The following NRXN1 variants were observed in gnomAD, a reference collection of about 807,000 sequenced individuals.
The protein encoded by NRXN1 is neurexin 1.
Under a neutral mutation model 150.9 loss-of-function variants are expected in NRXN1, and 39 were observed. The observed-to-expected ratio is 0.26, with a 90% CI of 0.20 to 0.34. NRXN1 has a LOEUF of 0.34. Ranked by LOEUF, NRXN1 falls within the 10% of genes least tolerant of loss-of-function variation. The pLI is 1.00. For synonymous variants in NRXN1, 924 were observed against 757.0 expected, an observed-to-expected ratio of 1.22 and a Z score of -3.62; for missense variants, 1,815 against 1,949.9, an observed-to-expected ratio of 0.93 and a Z score of 1.30.
At chr2:50,411,451 G>GTA (rs1297225378) in intron 17 of NRXN1, among the ~76,000 whole-genome samples, 1 of 151,396 alleles carries the variant, frequency 6.6e-6, no homozygotes, top group Non-Finnish European at 1.5e-5. Context: ...CCACCACCCC[G>GTA]TCTAGGAAGT....
At chr2:49,979,889 C>A (rs374478131) in intron 21 of NRXN1, among the ~76,000 whole-genome samples, 37 of 137,690 alleles carry the variant, frequency 2.7e-4, no homozygotes, top group African/African-American at 9.4e-4. Flanking sequence ...TCCACATAGT[C>A]TTATATTGTT....
intron 5 of NRXN1, among the ~76,000 whole-genome samples, chr2:50,795,351 T>A (rs1434301235): frequency 6.6e-6 from 1 of 152,144 alleles, no homozygotes; most frequent in Non-Finnish European, 1.5e-5. Flanking sequence ...GTAATCTGTA[T>A]GTGCTCTTAA....
intron 5 of NRXN1, among the ~76,000 whole-genome samples, chr2:50,825,203 T>C (rs1670285476): frequency 6.6e-6 from 1 of 152,194 alleles, no homozygotes; most frequent in Admixed American, 6.5e-5. Context: ...TGTGATACTG[T>C]GATTTAAAAT....
At chr2:50,914,293 A>G (rs1684921332) in intron 5 of NRXN1, among the ~76,000 whole-genome samples, 1 of 151,694 alleles carries the variant, frequency 6.6e-6, no homozygotes, top group East Asian at 1.9e-4. Flanking sequence ...ATCAATTTAT[A>G]TTTATTTTAG....
chr2:51,009,049 T>G (rs931281316), intron 2 of NRXN1, among the ~76,000 whole-genome samples: 17 of 152,068 alleles, frequency 1.1e-4, no homozygotes, highest in African/African-American at 3.9e-4. Flanking sequence ...TATCTTTAGT[T>G]TCCACATAAA....
At chr2:50,108,062 C>T (rs972380063) in intron 18 of NRXN1, among the ~76,000 whole-genome samples, 1 of 151,742 alleles carries the variant, frequency 6.6e-6, no homozygotes, top group African/African-American at 2.4e-5. Context: ...TTCTTAACCA[C>T]TACTGTTTTA....
intron 9 of NRXN1, among the ~76,000 whole-genome samples, chr2:50,551,069 G>GAAA (rs1667426432): frequency 7.8e-6 from 1 of 128,158 alleles, no homozygotes; most frequent in Non-Finnish European, 1.6e-5. Context: ...AGAAGAAGAA[G>GAAA]AAGAAGAGGA....
intron 5 of NRXN1, among the ~76,000 whole-genome samples, chr2:50,755,318 G>C (rs1325086731): frequency 6.6e-6 from 1 of 151,760 alleles, no homozygotes; most frequent in African/African-American, 2.4e-5. Context: ...TTGTAAAATG[G>C]AATGAAAACA....
chr2:50,623,560 C>T lies in NRXN1; in HGVS notation c.888G>A (p.Leu296=). The change falls in exon 6 of 23, where the codon TTG becomes TTA. Residue 296 remains leucine, a synonymous_variant. Transcript: ENST00000401669. ...TGCTGCTTTGAATGGGGTTTTGAGA[C>T]AAGTCGTAGCAGAAGTATTCAGATC... is the stretch of plus-strand genomic sequence containing the variant. ...FKGSEYFCYD[L]SQNPIQSSSD... is the part of the protein sequence containing the mutation. 1 of 1,613,226 alleles carries T rather than the reference C, an allele frequency of 6.2e-7. No homozygotes were observed. Among genetic ancestry groups the T allele is most frequent in the Non-Finnish European group, 8.5e-7 (1 of 1,179,446 alleles).
chr2:50,923,991 A>G (rs1297509945), intron 3 of NRXN1, among the ~76,000 whole-genome samples: 2 of 151,858 alleles, frequency 1.3e-5, no homozygotes, highest in Non-Finnish European at 2.9e-5. Context: ...CAAAAAGTTC[A>G]CACAGGCAGA....
At chr2:50,758,200 T>C (rs1241150311) in intron 5 of NRXN1, 1 of 151,798 alleles carries the variant, frequency 6.6e-6, no homozygotes, top group Non-Finnish European at 1.5e-5. Flanking sequence ...AACACACTAA[T>C]GCAAATACCC....
intron 5 of NRXN1, among the ~76,000 whole-genome samples, chr2:50,759,816 TCTAA>T (rs1430172029): frequency 3.4e-5 from 5 of 148,366 alleles, no homozygotes; most frequent in Non-Finnish European, 6.0e-5. Context: ...GCACTATCAA[TCTAA>T]CTAAGCTGTG....
intron 5 of NRXN1, among the ~76,000 whole-genome samples, chr2:50,745,552 T>C (rs2105299345): frequency 6.6e-6 from 1 of 152,188 alleles, no homozygotes; most frequent in East Asian, 1.9e-4. Flanking sequence ...GTGTGGTATA[T>C]TAGTTCATTC....
intron 18 of NRXN1, among the ~76,000 whole-genome samples, chr2:50,173,312 C>T (rs971856021): frequency 3.9e-5 from 6 of 152,126 alleles, no homozygotes; most frequent in Admixed American, 1.3e-4. Flanking sequence ...AGATTTTGAT[C>T]CAACTGATTA....
chr2:50,558,794 T>C (rs1461177972), intron 8 of NRXN1, among the ~76,000 whole-genome samples: 1 of 152,200 alleles, frequency 6.6e-6, no homozygotes, highest in Non-Finnish European at 1.5e-5. Context: ...GCGCAGTGGC[T>C]CAGGCCTGTA....
chr2:50,145,834 T>C (rs1707936309), intron 18 of NRXN1, among the ~76,000 whole-genome samples: 2 of 151,706 alleles, frequency 1.3e-5, no homozygotes, highest in South Asian at 4.1e-4. Flanking sequence ...TGATTTTTTT[T>C]GCATGCATTT....
At chr2:50,966,908 A>C (rs558897323) in intron 2 of NRXN1, among the ~76,000 whole-genome samples, 1 of 152,074 alleles carries the variant, frequency 6.6e-6, no homozygotes, top group Non-Finnish European at 1.5e-5. Flanking sequence ...AAAATCATAG[A>C]ACTCACTATC....
At chr2:50,952,577 A>G (rs1691572744) in intron 2 of NRXN1, among the ~76,000 whole-genome samples, 1 of 152,188 alleles carries the variant, frequency 6.6e-6, no homozygotes, top group Non-Finnish European at 1.5e-5. Context: ...GACATGATCT[A>G]TGCTACCACG....
rs576309299 is a variant in NRXN1 at position 50,250,441 on chromosome 2, T to C, written c.3365-13471A>G. 5.1e-4 allele frequency among the ~76,000 whole-genome samples: 77 copies of C among 152,222 alleles called. 1 individual carries two copies. The highest frequency in any genetic ancestry group is 1.8e-3 in the African/African-American group (75 of 41,548). ...TGGAAAGTCACTTTTTAATATTTTTTTTTTTTAGCGGAAGCTGATGCATTT... is the reference window on the plus strand; with the variant it reads ...TGGAAAGTCACTTTTTAATATTTTTCTTTTTTAGCGGAAGCTGATGCATTT... On this transcript the variant is annotated intron_variant, in intron 17 of 22. Coordinates refer to ENST00000401669, the MANE Select transcript of NRXN1 (RefSeq NM_001330078.2).
Sources: allele counts gnomAD v4.1 joint callset (sites outside exome capture counted in the v4.1 genomes callset), GRCh38; gene constraint gnomAD v4.1.1; transcripts MANE v1.5; gene names NCBI Gene and HGNC (gene_info 2026-07-23, HGNC 2026-07-21).